The following FEZ1 variants were observed in gnomAD, a reference collection of about 807,000 sequenced individuals.
FEZ1 encodes the protein fasciculation and elongation protein zeta-1.
FEZ1 carries 20 observed loss-of-function variants against 49.3 expected under a neutral mutation model. That is an observed-to-expected ratio of 0.41 (90% confidence interval 0.29 to 0.59). FEZ1 has a LOEUF of 0.59. FEZ1 is among the 20% of genes least tolerant of loss of function. The pLI is 0.36. For synonymous variants in FEZ1, 170 were observed against 180.9 expected (o/e 0.94, Z 0.48); for missense variants, 413 against 476.0 (o/e 0.87, Z 1.23).
At chr11:125,475,091 G>A (rs12280193) in intron 3 of FEZ1, among the ~76,000 whole-genome samples, 2,636 of 152,120 alleles carry the variant, frequency 0.017, 67 homozygotes, top group African/African-American at 0.05. Context: ...GCAACATGGT[G>A]AAATCTCATC....
intron 3 of FEZ1, among the ~76,000 whole-genome samples, chr11:125,468,727 C>A (rs566781897): frequency 6.6e-6 from 1 of 152,020 alleles, no homozygotes; most frequent in African/African-American, 2.4e-5. Flanking sequence ...TTAAACTTGG[C>A]GAGAGCAGGC....
rs1376081826 is a variant in FEZ1 at position 125,443,889 on chromosome 11, A to C, written c.*2206T>G. 6.6e-6 allele frequency among the ~76,000 whole-genome samples: 1 copy of C among 152,184 alleles called. No individual in the cohort carries two copies. Among genetic ancestry groups the C allele is most frequent in the Non-Finnish European group, 1.5e-5 (1 of 68,046 alleles). On this transcript the variant is annotated 3_prime_UTR_variant, in exon 10 of 10. Coordinates refer to ENST00000278919, the MANE Select transcript of FEZ1 (RefSeq NM_005103.5). ...GATTAGCTTGTCTCTGCCGCTTCAG[A>C]CACCTGCTGGCAGGATAAATTGGGG...
intron 3 of FEZ1, among the ~76,000 whole-genome samples, chr11:125,473,115 C>T (rs1177510461): frequency 7.9e-5 from 12 of 152,026 alleles, no homozygotes; most frequent in Admixed American, 7.2e-4. Context: ...CATAAAGCTA[C>T]AGCAATCAAT....
At chr11:125,459,158 T>G (rs1387593208) in intron 5 of FEZ1, among the ~76,000 whole-genome samples, 1 of 152,218 alleles carries the variant, frequency 6.6e-6, no homozygotes, top group Non-Finnish European at 1.5e-5. Flanking sequence ...GACTCCAAAT[T>G]GCAAAACCTA....
At chr11:125,494,610 T>C (rs1216403673) in intron 1 of FEZ1, among the ~76,000 whole-genome samples, 1 of 152,196 alleles carries the variant, frequency 6.6e-6, no homozygotes, top group Non-Finnish European at 1.5e-5. Context: ...CTTTTTCTCT[T>C]TACCACAGAA....
intron 3 of FEZ1, among the ~76,000 whole-genome samples, chr11:125,477,041 G>T (rs1392357660): frequency 6.6e-6 from 1 of 152,004 alleles, no homozygotes; most frequent in Non-Finnish European, 1.5e-5. Flanking sequence ...AAGATGAAAG[G>T]TACTAACTGG....
At chr11:125,476,256 C>T (rs897125575) in intron 3 of FEZ1, among the ~76,000 whole-genome samples, 1 of 152,112 alleles carries the variant, frequency 6.6e-6, no homozygotes, top group African/African-American at 2.4e-5. Context: ...ATATGTGCAG[C>T]TCATTATATG....
chr11:125,447,469 A>T (rs1956908679), intron 9 of FEZ1, among the ~76,000 whole-genome samples: 1 of 152,240 alleles, frequency 6.6e-6, no homozygotes, highest in Non-Finnish European at 1.5e-5. Context: ...TGATTCAAAC[A>T]AATAAACTGA....
At chr11:125,469,021 G>A (rs768116832) in intron 3 of FEZ1, 1 of 152,234 alleles carries the variant, frequency 6.6e-6, no homozygotes. Context: ...AACAGAGAGA[G>A]GATGTAAGAC....
At chr11:125,459,460 T>C (rs996871004) in intron 5 of FEZ1, among the ~76,000 whole-genome samples, 2 of 151,942 alleles carry the variant, frequency 1.3e-5, no homozygotes, top group South Asian at 2.1e-4. Context: ...GGCATGGTGA[T>C]GCATGCCTGT....
rs761229146 is a variant in FEZ1 at position 125,489,469 on chromosome 11, C to T, written c.309G>A (p.Glu103=). 2.0e-5 allele frequency: 32 copies of T among 1,609,896 alleles called. 1 individual carries two copies. In the Admixed American group the frequency reaches 4.4e-4, roughly 22 times the overall value. ...IQEEEETLQD[E]EVWDALTDNY... ...AGAGGGCAATTAAGACTTCTTACTCCTCGTCCTGAAGGGTCTCCTCCTCCT... is the reference window on the plus strand; with the variant it reads ...AGAGGGCAATTAAGACTTCTTACTCTTCGTCCTGAAGGGTCTCCTCCTCCT... The change falls in exon 2 of 10, where the codon GAG becomes GAA. Residue 103 remains glutamate, a splice_region_variant and synonymous_variant. Coordinates refer to ENST00000278919, the MANE Select transcript of FEZ1 (RefSeq NM_005103.5). The surrounding 1 kb of genome is among the most constrained non-coding windows in gnomAD (Gnocchi z 4.2).
intron 2 of FEZ1, among the ~76,000 whole-genome samples, chr11:125,483,904 A>T (rs577177074): frequency 1.3e-5 from 2 of 152,328 alleles, no homozygotes; most frequent in Non-Finnish European, 2.9e-5. Flanking sequence ...CGCTTTTCTC[A>T]TCTGAGCCTT....
chr11:125,489,828 A>G lies in FEZ1; in HGVS notation c.-45-6T>C, dbSNP rs771922046. Reference sequence around the variant, plus strand: ...GACTTTCAGGATGAGTTTATCTAAAAGAAATGAACAGCGTAATGTGAGTTT... The same window carrying G: ...GACTTTCAGGATGAGTTTATCTAAAGGAAATGAACAGCGTAATGTGAGTTT... On this transcript the variant is annotated splice_region_variant and splice_polypyrimidine_tract_variant and intron_variant, in intron 1 of 9. Coordinates refer to ENST00000278919, the MANE Select transcript of FEZ1 (RefSeq NM_005103.5). This position sits in a 1 kb window ranked among gnomAD's most constrained non-coding sequence, Gnocchi z 4.2. The G allele has an allele frequency of 6.6e-7, 1 of 1,512,754 alleles. No individual in the cohort carries two copies. Among genetic ancestry groups the G allele is most frequent in the East Asian group, 2.3e-5 (1 of 43,856 alleles). The allele number at this position is 1,512,754 out of a possible 1,614,324, so 93.7% of individuals were successfully genotyped here.
At chr11:125,478,867 T>C (rs951166720) in intron 3 of FEZ1, among the ~76,000 whole-genome samples, 1 of 152,230 alleles carries the variant, frequency 6.6e-6, no homozygotes, top group Admixed American at 6.5e-5. Context: ...ATATATCCTT[T>C]GGCTTAATTC....
At chr11:125,455,681 C>A (rs745720592) in intron 6 of FEZ1, 154 bp downstream of exon 6, 3 of 768,602 alleles carry the variant, frequency 3.9e-6, no homozygotes, top group African/African-American at 3.4e-5. Context: ...TAGGTGATAT[C>A]TTCTCCCTTT....
intron 3 of FEZ1, among the ~76,000 whole-genome samples, chr11:125,473,024 C>A (rs1286896072): frequency 6.6e-6 from 1 of 151,562 alleles, no homozygotes; most frequent in Non-Finnish European, 1.5e-5. Context: ...ATGTAAATAA[C>A]CTAAAATAAC....
intron 2 of FEZ1, among the ~76,000 whole-genome samples, chr11:125,482,136 A>G (rs1463911569): frequency 6.6e-6 from 1 of 152,078 alleles, no homozygotes; most frequent in East Asian, 1.9e-4. Context: ...CTAGTTTATA[A>G]CCGTTTCAGT....
chr11:125,457,429 A>AAAAAT (rs1164500309), intron 5 of FEZ1, among the ~76,000 whole-genome samples: 45 of 20,904 alleles, frequency 2.2e-3, no homozygotes, highest in Non-Finnish European at 3.3e-3. Flanking sequence ...AAAAAAAAAA[A>AAAAAT]ATATATATAT....
intron 3 of FEZ1, among the ~76,000 whole-genome samples, chr11:125,468,470 G>A (rs926884527): frequency 6.4e-4 from 97 of 152,126 alleles, no homozygotes; most frequent in African/African-American, 2.2e-3. Context: ...GCTTACAGGT[G>A]TGAGCCACCA....
Sources: gnomAD v4.1 joint callset for allele counts (sites outside exome capture counted in the v4.1 genomes callset) on GRCh38, gnomAD v4.1.1 for gene constraint, Gnocchi (gnomAD v3.1) non-coding constraint, MANE v1.5 for transcripts, NCBI Gene and HGNC (gene_info 2026-07-23, HGNC 2026-07-21) for gene names.